The following CCDC149 variants were observed in gnomAD, a reference collection of about 807,000 sequenced individuals.
The protein encoded by CCDC149 is coiled-coil domain-containing protein 149.
Under a neutral mutation model 59.9 loss-of-function variants are expected in CCDC149, and 45 were observed. That is an observed-to-expected ratio of 0.75 (90% confidence interval 0.59 to 0.96). CCDC149 has a LOEUF of 0.96. CCDC149 is among the 40% of genes least tolerant of loss of function. The pLI is 0.00. For synonymous variants in CCDC149, 245 were observed against 260.6 expected, an observed-to-expected ratio of 0.94 and a Z score of 0.58; for missense variants, 584 against 664.7, an observed-to-expected ratio of 0.88 and a Z score of 1.33.
Position 24,835,042 on chromosome 4 carries a change from G to T in CCDC149, c.736-10C>A, listed in dbSNP as rs1378000420. The T allele has an allele frequency of 1.2e-6, 2 of 1,604,574 alleles. No homozygotes were observed. The highest frequency in any genetic ancestry group is 1.7e-6 in the Non-Finnish European group (2 of 1,172,026). Reference sequence around the variant, plus strand: ...GTCTCTCCAGAGCATTCTAAAACAGGATTGGGAGAGAATAAAAACCCGTCA... The same window carrying T: ...GTCTCTCCAGAGCATTCTAAAACAGTATTGGGAGAGAATAAAAACCCGTCA... On this transcript the variant is annotated splice_polypyrimidine_tract_variant and intron_variant, in intron 7 of 12. Transcript: ENST00000635206.
At chr4:24,979,086 G>T (rs1724347976) in intron 1 of CCDC149, among the ~76,000 whole-genome samples, 2 of 152,186 alleles carry the variant, frequency 1.3e-5, no homozygotes, top group African/African-American at 4.8e-5. Context: ...GCCAGTAAAG[G>T]GTGAATTAAT....
intron 4 of CCDC149, among the ~76,000 whole-genome samples, chr4:24,849,309 G>C (rs1195316206): frequency 1.3e-5 from 2 of 152,128 alleles, no homozygotes; most frequent in African/African-American, 4.8e-5. Context: ...TTTTCCCAGA[G>C]GGCTCCTCTA....
At chr4:24,920,255 A>G (rs967048599) in intron 1 of CCDC149, among the ~76,000 whole-genome samples, 5 of 152,224 alleles carry the variant, frequency 3.3e-5, no homozygotes, top group Non-Finnish European at 7.3e-5. Context: ...TGATGGCCAC[A>G]GCTGTGGTTA....
At chr4:24,873,856 C>T (rs1719214010) in intron 2 of CCDC149, 137 bp from the exon 3 acceptor site, 7 of 626,248 alleles carry the variant, frequency 1.1e-5, no homozygotes, top group South Asian at 2.0e-5. Context: ...TGTGCTGAAG[C>T]AAGCTCAAAT....
intron 1 of CCDC149, among the ~76,000 whole-genome samples, chr4:24,976,713 C>T (rs1057171032): frequency 1.3e-5 from 2 of 152,054 alleles, no homozygotes; most frequent in African/African-American, 4.8e-5. Context: ...GAGACTGACT[C>T]CCTCTCAAAA....
intron 1 of CCDC149, among the ~76,000 whole-genome samples, chr4:24,891,569 G>A (rs986747885): frequency 2.0e-5 from 3 of 152,170 alleles, no homozygotes; most frequent in Non-Finnish European, 2.9e-5. Flanking sequence ...TTTAAATGAC[G>A]ATAAAATGGG....
At chr4:24,915,523 C>A (rs1722099003), upstream of CCDC149, among the ~76,000 whole-genome samples, 1 of 152,222 alleles carries the variant, frequency 6.6e-6, no homozygotes, top group South Asian at 2.1e-4. Flanking sequence ...AGACTATGTG[C>A]CTTTAAGACC....
chr4:24,969,382 G>A (rs1218216375), intron 1 of CCDC149, among the ~76,000 whole-genome samples: 4 of 152,180 alleles, frequency 2.6e-5, no homozygotes, highest in Non-Finnish European at 5.9e-5. Flanking sequence ...TGGCCTGTAT[G>A]GTTGCCTTCT....
chr4:24,847,585 A>G (rs915112255), intron 4 of CCDC149, among the ~76,000 whole-genome samples: 2 of 152,200 alleles, frequency 1.3e-5, no homozygotes, highest in South Asian at 2.1e-4. Context: ...GAAGTCCCCA[A>G]TTATGTGGGG....
chr4:24,976,979 A>AAAAT (rs1272637207), intron 1 of CCDC149, among the ~76,000 whole-genome samples: 1 of 152,196 alleles, frequency 6.6e-6, no homozygotes, highest in Non-Finnish European at 1.5e-5. Flanking sequence ...TGATCAGGAA[A>AAAAT]AAACAAACAA....
chr4:24,889,566 T>C (rs750610976), intron 1 of CCDC149, among the ~76,000 whole-genome samples: 2 of 152,174 alleles, frequency 1.3e-5, no homozygotes, highest in African/African-American at 2.4e-5. Flanking sequence ...GGGCCTGAGG[T>C]CTGCTGGATA....
chr4:24,838,031 A>C (rs1048308338), intron 5 of CCDC149, 125 bp downstream of exon 5: 4 of 797,268 alleles, frequency 5.0e-6, no homozygotes, highest in African/African-American at 1.7e-5. Flanking sequence ...TGAGGAAGTA[A>C]AAGCATTCAA....
At chr4:24,971,739 AG>A (rs1424217254) in intron 1 of CCDC149, among the ~76,000 whole-genome samples, 1 of 152,200 alleles carries the variant, frequency 6.6e-6, no homozygotes, top group African/African-American at 2.4e-5. Context: ...TGATGGGAAG[AG>A]GGGGCCAGAT....
chr4:24,881,917 A>G (rs1719862847), intron 1 of CCDC149, among the ~76,000 whole-genome samples: 1 of 152,196 alleles, frequency 6.6e-6, no homozygotes, highest in Admixed American at 6.5e-5. Context: ...GCGAAGCCAG[A>G]ATTGGAACCC....
chr4:24,929,285 C>T (rs551030160), intron 1 of CCDC149, among the ~76,000 whole-genome samples: 5 of 152,246 alleles, frequency 3.3e-5, no homozygotes, highest in African/African-American at 1.2e-4. Flanking sequence ...GAGTGGGAAT[C>T]GGCTCTCAGC....
chr4:24,876,693 A>C lies in CCDC149; in HGVS notation c.68T>G (p.Leu23Arg), dbSNP rs1367755274. 1 of 1,609,000 alleles carries C rather than the reference A, an allele frequency of 6.2e-7. No individual in the cohort carries two copies. Among genetic ancestry groups the C allele is most frequent in the Non-Finnish European group, 8.5e-7 (1 of 1,177,508 alleles). ...ACTCTCCAGCTTCCTCTTACACACCAGGTACTGCAAAGCAAACAAATCCAG... is the reference window on the plus strand; with the variant it reads ...ACTCTCCAGCTTCCTCTTACACACCCGGTACTGCAAAGCAAACAAATCCAG... The change falls in exon 2 of 13, where the codon CTG becomes CGG. Residue 23 changes from leucine (L) to arginine (R), a missense_variant. By Grantham distance (102) the Leu-to-Arg change is moderately radical. Transcript: ENST00000635206.
At chr4:24,969,644 C>T (rs1386376529) in intron 1 of CCDC149, among the ~76,000 whole-genome samples, 1 of 152,198 alleles carries the variant, frequency 6.6e-6, no homozygotes, top group Non-Finnish European at 1.5e-5. Flanking sequence ...GGCAGCCAGA[C>T]CCCAGTGGAG....
At chr4:24,866,827 A>ACC (rs1174417269) in intron 3 of CCDC149, among the ~76,000 whole-genome samples, 2 of 149,250 alleles carry the variant, frequency 1.3e-5, no homozygotes, top group South Asian at 4.3e-4. Flanking sequence ...ACACACCCAC[A>ACC]CACACACACA....
intron 1 of CCDC149, among the ~76,000 whole-genome samples, chr4:24,967,199 G>A (rs997953488): frequency 2.0e-5 from 3 of 152,076 alleles, no homozygotes; most frequent in Admixed American, 1.3e-4. Flanking sequence ...TGCATGTGAC[G>A]GACATATGCA....
Sources: gnomAD v4.1 joint callset for allele counts (sites outside exome capture counted in the v4.1 genomes callset) on GRCh38, gnomAD v4.1.1 for gene constraint, MANE v1.5 for transcripts, NCBI Gene and HGNC (gene_info 2026-07-23, HGNC 2026-07-21) for gene names.